The following JAK1 variants were observed in gnomAD, a reference collection of about 807,000 sequenced individuals.
JAK1 encodes tyrosine-protein kinase JAK1.
In JAK1, 16 loss-of-function variants were observed where a neutral mutation model predicts 136.6. The observed-to-expected ratio is 0.12, with a 90% CI of 0.08 to 0.18. The LOEUF (loss-of-function observed/expected upper bound fraction) is 0.18. Ranked by LOEUF, JAK1 falls within the 10% of genes least tolerant of loss-of-function variation. The pLI is 1.00. For missense variants in JAK1, 859 were observed against 1,450.1 expected (o/e 0.59, Z 6.62); for synonymous variants, 492 against 519.5 (o/e 0.95, Z 0.72).
chr1:64,860,960 G>A (rs1284550510), intron 8 of JAK1, among the ~76,000 whole-genome samples: 6 of 146,230 alleles, frequency 4.1e-5, no homozygotes, highest in African/African-American at 1.3e-4. Context: ...GTGTGTGTGT[G>A]TGTGTGTATG....
Position 64,850,808 on chromosome 1 carries a change from A to C in JAK1, c.1751T>G (p.Val584Gly). The C allele has an allele frequency of 6.2e-7, 1 of 1,612,880 alleles. No homozygotes were observed. The part of the protein sequence containing the change: ...SFDRILKKDL[V>G]QGEHLGRGTR... The stretch of plus-strand genomic sequence containing the variant: ...CACCCTGCAGCCGTGACTCACCTGC[A>C]CCAGATCCTTCTTGAGGATCCGATC... Residue 584 changes from valine (V) to glycine (G), a missense_variant, in exon 12 of 25, where the codon GTG becomes GGG. Around this residue, in one of 4 missense-constraint regions of JAK1, gnomAD observed 409 missense variants for 753.8 expected, o/e 0.54. Coordinates refer to ENST00000342505, the MANE Select transcript of JAK1 (RefSeq NM_002227.4).
intron 7 of JAK1, among the ~76,000 whole-genome samples, chr1:64,865,230 T>A (rs1354958037): frequency 6.6e-6 from 1 of 152,216 alleles, no homozygotes; most frequent in Non-Finnish European, 1.5e-5. Flanking sequence ...ATACGCAATG[T>A]GCACGGAAAC....
intron 1 of JAK1, among the ~76,000 whole-genome samples, chr1:64,908,215 A>C (rs1645223728): frequency 6.6e-6 from 1 of 152,192 alleles, no homozygotes; most frequent in Non-Finnish European, 1.5e-5. Flanking sequence ...ATTCTTATCA[A>C]ATTCTTAAAC....
At chr1:65,030,225 A>G (rs1647010851) in intron 2 of JAK1, among the ~76,000 whole-genome samples, 1 of 152,184 alleles carries the variant, frequency 6.6e-6, no homozygotes, top group Admixed American at 6.5e-5. Flanking sequence ...AAGGAACTGA[A>G]CCAGCTGGCA....
At chr1:64,988,607 C>T (rs545940296) in intron 2 of JAK1, among the ~76,000 whole-genome samples, 3 of 152,206 alleles carry the variant, frequency 2.0e-5, no homozygotes, top group Non-Finnish European at 4.4e-5. Flanking sequence ...GGGCCAGTTG[C>T]AGTGGTGGCT....
chr1:64,954,801 T>A lies in JAK1; in HGVS notation c.-78+11532A>T, dbSNP rs190036196. Among the ~76,000 whole-genome samples the A allele has an allele frequency of 1.3e-3, 203 of 152,332 alleles. 1 individual carries two copies. Among genetic ancestry groups the A allele is most frequent in the African/African-American group, 4.5e-3 (188 of 41,578 alleles). Reference sequence around the variant, plus strand: ...GGCAGAGAGATTATTGTAAGAAAACTGGATAGCAACTAAAAACAGGCAAAT... The same window carrying A: ...GGCAGAGAGATTATTGTAAGAAAACAGGATAGCAACTAAAAACAGGCAAAT... On this transcript the variant is annotated intron_variant, in intron 1 of 24. Transcript: ENST00000342505.
chr1:64,953,407 G>A (rs12082944), intron 1 of JAK1, among the ~76,000 whole-genome samples: 1,905 of 152,102 alleles, frequency 0.013, 40 homozygotes, highest in African/African-American at 0.044. Flanking sequence ...GCCTCACATC[G>A]GCTCGTCCTG....
At chr1:64,835,780 G>A (rs1244623869) in intron 23 of JAK1, among the ~76,000 whole-genome samples, 1 of 152,076 alleles carries the variant, frequency 6.6e-6, no homozygotes, top group Non-Finnish European at 1.5e-5. Context: ...GAATGAAGGA[G>A]GCACAGACAA....
chr1:65,025,868 G>C (rs1279596303), intron 2 of JAK1, among the ~76,000 whole-genome samples: 2 of 151,886 alleles, frequency 1.3e-5, no homozygotes, highest in Non-Finnish European at 1.5e-5. Context: ...TTGTAGAGAT[G>C]GGGTTTTGCC....
At chr1:64,974,734 A>T (rs944822442) in intron 2 of JAK1, 2 of 152,204 alleles carry the variant, frequency 1.3e-5, no homozygotes, top group African/African-American at 4.8e-5. Flanking sequence ...GAAGAGAGGG[A>T]AAAAGAGACG....
At chr1:64,852,208 A>G (rs966635743) in intron 11 of JAK1, among the ~76,000 whole-genome samples, 11 of 152,248 alleles carry the variant, frequency 7.2e-5, no homozygotes, top group Non-Finnish European at 1.2e-4. Flanking sequence ...TGTGGAATAC[A>G]CAGTATTCTT....
intron 1 of JAK1, among the ~76,000 whole-genome samples, chr1:65,064,785 T>C (rs1328688804): frequency 6.6e-6 from 1 of 152,210 alleles, no homozygotes; most frequent in Non-Finnish European, 1.5e-5. Context: ...CCCTCCTAGC[T>C]TCCTGAAACA....
chr1:64,952,763 G>A (rs1646114046), intron 1 of JAK1, among the ~76,000 whole-genome samples: 1 of 152,136 alleles, frequency 6.6e-6, no homozygotes, highest in Non-Finnish European at 1.5e-5. Flanking sequence ...ACACAGGGAG[G>A]AAAAGAGAAG....
rs190871880 is a variant in JAK1 at position 64,860,992 on chromosome 1, G to A, written c.1177-730C>T. On this transcript the variant is annotated intron_variant, in intron 8 of 24. Coordinates refer to ENST00000342505, the MANE Select transcript of JAK1 (RefSeq NM_002227.4). ...TATGTGTGTGTGTGTTGGGGGTGAC[G>A]CGGTGGGGGAGGCTGTGGCAGGCAG... 3.6e-3 allele frequency among the ~76,000 whole-genome samples: 532 copies of A among 148,198 alleles called. 1 individual carries two copies. The highest frequency in any genetic ancestry group is 0.012 in the African/African-American group (460 of 39,070).
intron 2 of JAK1, among the ~76,000 whole-genome samples, chr1:65,025,567 A>G (rs148838354): frequency 5.0e-4 from 76 of 152,320 alleles, no homozygotes; most frequent in African/African-American, 1.7e-3. Context: ...TTAAAAAGTC[A>G]CTAAATTTAG....
intron 1 of JAK1, among the ~76,000 whole-genome samples, chr1:65,057,393 T>A (rs1647595988): frequency 6.6e-6 from 1 of 152,166 alleles, no homozygotes; most frequent in African/African-American, 2.4e-5. Context: ...AGGTTGAAGA[T>A]GTGTGCTGTT....
chr1:64,947,991 A>G (rs1646018569), intron 1 of JAK1, among the ~76,000 whole-genome samples: 1 of 152,196 alleles, frequency 6.6e-6, no homozygotes, highest in Admixed American at 6.6e-5. Flanking sequence ...TATAACATAG[A>G]AGAGAATGCC....
At chr1:64,875,239 G>A (rs1248056467) in intron 4 of JAK1, among the ~76,000 whole-genome samples, 3 of 152,158 alleles carry the variant, frequency 2.0e-5, no homozygotes, top group Admixed American at 2.0e-4. Context: ...ACCAAGGAAG[G>A]GAAGCTGGAA....
At chr1:64,913,969 T>C (rs544571558) in intron 1 of JAK1, among the ~76,000 whole-genome samples, 1 of 152,122 alleles carries the variant, frequency 6.6e-6, no homozygotes, top group East Asian at 1.9e-4. Flanking sequence ...GGAGGGTGCG[T>C]TGGGGGGTGA....
Sources: allele counts gnomAD v4.1 joint callset (sites outside exome capture counted in the v4.1 genomes callset), GRCh38; gene constraint gnomAD v4.1.1; regional missense constraint gnomAD v4.1.1; transcripts MANE v1.5; gene names NCBI Gene and HGNC (gene_info 2026-07-23, HGNC 2026-07-21).